The following ETV7 variants were observed in gnomAD, a reference collection of about 807,000 sequenced individuals.
ETV7 encodes ETS variant transcription factor 7.
Under a neutral mutation model 39.1 loss-of-function variants are expected in ETV7, and 43 were observed. That is an observed-to-expected ratio of 1.10 (90% CI 0.86 to 1.42). The LOEUF is 1.42. Ranked by LOEUF, ETV7 falls within the 40% of genes most tolerant of loss-of-function variation. ETV7 has a pLI of 0.00. For synonymous variants in ETV7, 196 were observed against 176.6 expected, an observed-to-expected ratio of 1.11 and a Z score of -0.87; for missense variants, 432 against 442.3, an observed-to-expected ratio of 0.98 and a Z score of 0.21.
chr6:36,354,694 TAA>T (rs563469381), intron 7 of ETV7: 241 of 566,146 alleles, frequency 4.3e-4, no homozygotes, highest in Admixed American at 1.1e-3. Flanking sequence ...ATTTCTGCAA[TAA>T]AAAAAAAAAG....
rs926144010 is a variant in ETV7, at chr6:36,366,762, T to C, written c.909A>G (p.Arg303=). The change falls in exon 8 of 8, where the codon AGA becomes AGG. Residue 303 remains arginine, a splice_region_variant and synonymous_variant. Transcript: ENST00000340181. The part of the protein sequence containing the change: ...KKEPGQKLLF[R]FLKTPGKMVQ... ...CCATCTTTCCCGGAGTCTTTAGAAA[T>C]CTAGAATTCAGGCCCCAACTGCAAA... 6.2e-7 allele frequency: 1 copy of C among 1,613,864 alleles called. No individual in the cohort carries two copies. The highest frequency in any genetic ancestry group is 8.5e-7 in the Non-Finnish European group (1 of 1,179,956).
At chr6:36,358,158 G>A (rs1348757782) in intron 7 of ETV7, among the ~76,000 whole-genome samples, 3 of 152,224 alleles carry the variant, frequency 2.0e-5, no homozygotes, top group Admixed American at 2.0e-4. Flanking sequence ...TACAGTAGCT[G>A]CAGATGACGT....
At chr6:36,386,753 T>C (rs1490124757) in intron 1 of ETV7, 1 of 152,246 alleles carries the variant, frequency 6.6e-6, no homozygotes, top group Non-Finnish European at 1.5e-5. Context: ...TCTCACTTCA[T>C]TTCCAGCCGG....
intron 2 of ETV7, 107 bp from the exon 3 acceptor site, chr6:36,376,142 C>T: frequency 6.9e-6 from 7 of 1,012,950 alleles, no homozygotes; most frequent in Non-Finnish European, 9.8e-6. Context: ...GGCCCCCAAC[C>T]CCCATCATCT....
Position 36,385,514 on chromosome 6 carries a change from T to C in ETV7, c.142+20A>G, listed in dbSNP as rs1416962950. 2 of 1,614,172 alleles carry C rather than the reference T, an allele frequency of 1.2e-6. No homozygotes were observed. Among genetic ancestry groups the C allele is most frequent in the Admixed American group, 3.3e-5 (2 of 60,026 alleles). On this transcript the variant is annotated intron_variant, in intron 2 of 7. Transcript: ENST00000340181. ...AAATTTACTTTTAAAAACTCAGCTT[T>C]TCTCCTCCCCTCTACTTACGGAGTC... is the stretch of plus-strand genomic sequence containing the variant.
In ETV7 at chr6:36,373,809, G is replaced by A. The variant is rs553133139; in HGVS notation, c.308-231C>T. 8.7e-4 allele frequency among the ~76,000 whole-genome samples: 133 copies of A among 152,338 alleles called. 1 individual carries two copies. Among genetic ancestry groups the A allele is most frequent in the South Asian group, 6.4e-3 (31 of 4,824 alleles). ...TTTTAGAAAGACATCCTTTCCTGCC[G>A]GTACACGCAGCCGCCTCCAGGGCAT... On this transcript the variant is annotated intron_variant, in intron 3 of 7. Coordinates refer to ENST00000340181, the MANE Select transcript of ETV7 (RefSeq NM_016135.4).
intron 5 of ETV7, 36 bp from the exon 6 acceptor site, chr6:36,369,107 T>G: frequency 6.2e-7 from 1 of 1,612,372 alleles, no homozygotes; most frequent in Non-Finnish European, 8.5e-7. Context: ...GCAGCGCAGC[T>G]TTACTGGAGC....
intron 2 of ETV7, among the ~76,000 whole-genome samples, chr6:36,382,996 A>AT (rs5875544): frequency 0.9 from 137,234 of 152,054 alleles, 62,235 homozygotes; most frequent in African/African-American, 0.97. Context: ...CTGTCACTGA[A>AT]GAGGCCATGG....
intron 1 of ETV7, 53 bp downstream of exon 1, chr6:36,387,483 C>T (rs1259467805): frequency 3.1e-6 from 5 of 1,610,994 alleles, no homozygotes; most frequent in South Asian, 1.1e-5. Flanking sequence ...GGAAAGGATG[C>T]GGGAGCAGGT....
chr6:36,379,966 C>T (rs777054608), intron 2 of ETV7, among the ~76,000 whole-genome samples: 5 of 151,676 alleles, frequency 3.3e-5, no homozygotes, highest in Non-Finnish European at 7.4e-5. Flanking sequence ...ACCTAAATGA[C>T]AGTACCTCAG....
chr6:36,387,643 A>G lies in ETV7; in HGVS notation c.-102T>C. 7.5e-7 allele frequency: 1 copy of G among 1,327,178 alleles called. No individual in the cohort carries two copies. 82.2% of individuals were successfully genotyped at this position (1,327,178 alleles called of 1,614,324 possible). On this transcript the variant is annotated 5_prime_UTR_variant, in exon 1 of 8. Coordinates refer to ENST00000340181, the MANE Select transcript of ETV7 (RefSeq NM_016135.4). ...CGCGCCCCGCAGTCCTCCTCCGCCA[A>G]ACCCCTAACCTGGCTCCGAGAACTG...
Position 36,385,671 on chromosome 6 carries a change from T to G in ETV7, c.7-2A>C. The G allele has an allele frequency of 6.2e-7, 1 of 1,600,250 alleles. No individual in the cohort carries two copies. Among genetic ancestry groups the G allele is most frequent in the Non-Finnish European group, 8.5e-7 (1 of 1,175,188 alleles). On this transcript the variant is annotated splice_acceptor_variant, in intron 1 of 7. Coordinates refer to ENST00000340181, the MANE Select transcript of ETV7 (RefSeq NM_016135.4). LOFTEE classifies it high-confidence loss of function. ...AGGAGAAATAGCCAATTCTCCCTCC[T>G]AGAGAGAGAAAAACCAGGACAGTCA...
downstream of ETV7, among the ~76,000 whole-genome samples, chr6:36,363,064 G>C (rs1469395414): frequency 6.6e-6 from 1 of 152,062 alleles, no homozygotes; most frequent in East Asian, 1.9e-4. Flanking sequence ...TGTAAAATGA[G>C]GGCCTGGATA....
chr6:36,381,828 G>C (rs1413226860), intron 2 of ETV7, among the ~76,000 whole-genome samples: 1 of 152,160 alleles, frequency 6.6e-6, no homozygotes, highest in Non-Finnish European at 1.5e-5. Flanking sequence ...CTGGGACTTT[G>C]ATTGGCTTCT....
downstream of ETV7, among the ~76,000 whole-genome samples, chr6:36,363,032 C>T (rs1224707016): frequency 2.0e-5 from 3 of 152,210 alleles, no homozygotes; most frequent in Non-Finnish European, 4.4e-5. Context: ...AGTCACTTCG[C>T]TCTGGCGGCA....
chr6:36,368,854 G>T, intron 6 of ETV7, 75 bp downstream of exon 6: 1 of 1,594,788 alleles, frequency 6.3e-7, no homozygotes. Flanking sequence ...GTCCCATAGT[G>T]CTAGGGGTCC....
downstream of ETV7, among the ~76,000 whole-genome samples, chr6:36,364,450 C>T (rs760738111): frequency 6.6e-6 from 1 of 152,256 alleles, no homozygotes; most frequent in Non-Finnish European, 1.5e-5. Context: ...GGACCCAGTA[C>T]ACCCTCCGCA....
chr6:36,380,771 T>C (rs1454515574), intron 2 of ETV7, among the ~76,000 whole-genome samples: 1 of 152,108 alleles, frequency 6.6e-6, no homozygotes, highest in Non-Finnish European at 1.5e-5. Flanking sequence ...TGGCACATAG[T>C]AGCTGCTCAA....
At position 36,354,565 on chromosome 6, in the gene ETV7, G is replaced by A. The variant is rs540397135; in HGVS notation, c.*77C>T. 132 of 676,040 alleles carry A rather than the reference G, an allele frequency of 2.0e-4. No homozygotes were observed. In the African/African-American group the frequency reaches 2.2e-3, roughly 11 times the overall value. The allele number at this position is 676,040 out of a possible 1,614,324, so 41.9% of individuals were successfully genotyped here. ...AATCTTTGTTGAGTACTATAGCTTT[G>A]TAGCAAGTTTCAAAATCAGGAAGTG... On this transcript the variant is annotated 3_prime_UTR_variant, in exon 8 of 8. Coordinates refer to the ETV7 transcript ENST00000339796.
Sources: gnomAD v4.1 joint callset for allele counts (sites outside exome capture counted in the v4.1 genomes callset) on GRCh38, gnomAD v4.1.1 for gene constraint, MANE v1.5 for transcripts, NCBI Gene and HGNC (gene_info 2026-07-23, HGNC 2026-07-21) for gene names.